FANCI: variants seen among roughly 807,000 people sequenced by gnomAD.
FANCI encodes the protein FA complementation group I.
In FANCI, 156 loss-of-function variants were observed where a neutral mutation model predicts 176.1. The observed-to-expected ratio is 0.89, with a 90% CI of 0.78 to 1.01. The LOEUF (loss-of-function observed/expected upper bound fraction) is 1.01, where lower values mean the gene tolerates loss of function less well. Among genes scored for constraint, FANCI ranks in the 50% least tolerant of loss-of-function variants. The probability of loss-of-function intolerance (pLI) is 0.00; values close to 1 mark genes in which losing one functional copy is unlikely to be tolerated. For synonymous variants in FANCI, 613 were observed against 541.7 expected (o/e 1.13, Z -1.83); for missense variants, 1,678 against 1,534.1 (o/e 1.09, Z -1.57).
At chr15:89,252,725 T>A (rs1447891567) in intron 2 of FANCI, among the ~76,000 whole-genome samples, 1 of 152,104 alleles carries the variant, frequency 6.6e-6, no homozygotes, top group African/African-American at 2.4e-5. Flanking sequence ...GGGCCCCATT[T>A]ACAATAGCAA....
Position 89,276,884 on chromosome 15 carries a change from CTT to C in FANCI, c.1289_1290del (p.Phe430Ter). Reference sequence around the variant, plus strand: ...CTCGGAGCTAATATCCTGTTGGAAACTTTTAAGGTGAGACACTATTTTGGCAA... The same window carrying C: ...CTCGGAGCTAATATCCTGTTGGAAACTTAAGGTGAGACACTATTTTGGCAA... On this transcript the variant is annotated frameshift_variant, in exon 13 of 38. Coordinates refer to ENST00000310775, the MANE Select transcript of FANCI (RefSeq NM_001113378.2). LOFTEE classifies it high-confidence loss of function. 1 of 1,614,158 alleles carries C rather than the reference CTT, an allele frequency of 6.2e-7. No homozygotes were observed. Among genetic ancestry groups the C allele is most frequent in the Non-Finnish European group, 8.5e-7 (1 of 1,180,028 alleles).
chr15:89,264,800 A>T (rs2052869596), intron 9 of FANCI, 193 bp downstream of exon 9: 1 of 535,316 alleles, frequency 1.9e-6, no homozygotes, highest in Non-Finnish European at 3.4e-6. Flanking sequence ...TCACCTTTCC[A>T]GGAAAATAAT....
At chr15:89,258,623 A>G (rs2052594601) in intron 2 of FANCI, 81 bp from the exon 3 acceptor site, 2 of 1,016,112 alleles carry the variant, frequency 2.0e-6, no homozygotes, top group East Asian at 2.4e-5. Flanking sequence ...GTGACAGAAG[A>G]GTACTTTTTC....
chr15:89,247,748 A>T lies in FANCI; in HGVS notation c.84+17A>T. 2 of 1,608,756 alleles carry T rather than the reference A, an allele frequency of 1.2e-6. No individual in the cohort carries two copies. Among genetic ancestry groups the T allele is most frequent in the Non-Finnish European group, 1.7e-6 (2 of 1,175,226 alleles). ...GAAGGTGATGTGAGTATTAGGAAGC[A>T]TGTTCTGCTAAAAGTAAATGTCAGG... On this transcript the variant is annotated intron_variant, in intron 2 of 37. Coordinates refer to ENST00000310775, the MANE Select transcript of FANCI (RefSeq NM_001113378.2).
chr15:89,270,077 C>G (rs1163894947), intron 10 of FANCI, among the ~76,000 whole-genome samples: 1 of 152,164 alleles, frequency 6.6e-6, no homozygotes, highest in Non-Finnish European at 1.5e-5. Flanking sequence ...TCCCAAAGTG[C>G]TGAGATTACA....
At chr15:89,290,442 C>T (rs2054017259) in intron 19 of FANCI, 161 bp downstream of exon 19, 1 of 648,044 alleles carries the variant, frequency 1.5e-6, no homozygotes, top group Non-Finnish European at 2.8e-6. Context: ...GTTGTCTTAT[C>T]TCGGTCACCA....
In FANCI at chr15:89,286,977, C is replaced by CTTTTTTTTTTTTTTTTTTTTT. The variant is rs543431700; in HGVS notation, c.1821+1760_1821+1780dup. Among the ~76,000 whole-genome samples the CTTTTTTTTTTTTTTTTTTTTT allele has an allele frequency of 1.1e-3, 95 of 86,028 alleles. 15 individuals carry two copies. Among genetic ancestry groups the CTTTTTTTTTTTTTTTTTTTTT allele is most frequent in the African/African-American group, 3.7e-3 (78 of 21,172 alleles). 56.4% of individuals were successfully genotyped at this position (86,028 alleles called of 152,430 possible). A position where few individuals can be genotyped will look rare whatever the true frequency, so the allele number is the denominator to read the frequency against. On this transcript the variant is annotated intron_variant, in intron 18 of 37. Transcript: ENST00000310775. ...TCAGCATTTGCTGCTTCACCTTGCA[C>CTTTTTTTTTTTTTTTTTTTTT]TTTTTTTTTTTTTTTTTTTTTGAGT...
intron 12 of FANCI, among the ~76,000 whole-genome samples, chr15:89,276,260 G>A (rs573142332): frequency 4.9e-4 from 74 of 152,302 alleles, no homozygotes; most frequent in African/African-American, 1.7e-3. Flanking sequence ...TCTACTGAGT[G>A]TCTTTTATAT....
intron 24 of FANCI, among the ~76,000 whole-genome samples, chr15:89,296,067 A>C (rs1348753129): frequency 6.6e-6 from 1 of 152,082 alleles, no homozygotes; most frequent in Non-Finnish European, 1.5e-5. Flanking sequence ...TCCCCGGTTC[A>C]AGTGATCCTC....
chr15:89,291,208 A>T (rs2054054935), intron 19 of FANCI, among the ~76,000 whole-genome samples: 1 of 152,186 alleles, frequency 6.6e-6, no homozygotes, highest in Non-Finnish European at 1.5e-5. Flanking sequence ...TCCTTATACA[A>T]TGATTATTAA....
At chr15:89,279,377 C>T (rs1165270528) in intron 14 of FANCI, among the ~76,000 whole-genome samples, 1 of 152,144 alleles carries the variant, frequency 6.6e-6, no homozygotes, top group Admixed American at 6.5e-5. Context: ...AGGCTGGTCT[C>T]GAACTCCTGA....
intron 14 of FANCI, among the ~76,000 whole-genome samples, chr15:89,280,801 T>A (rs925250066): frequency 6.6e-6 from 1 of 152,236 alleles, no homozygotes; most frequent in Non-Finnish European, 1.5e-5. Flanking sequence ...TTTTATACTT[T>A]TATGTTCCTA....
At chr15:89,287,182 C>A (rs923750070) in intron 18 of FANCI, among the ~76,000 whole-genome samples, 39 of 152,030 alleles carry the variant, frequency 2.6e-4, no homozygotes, top group Admixed American at 2.6e-4. Flanking sequence ...ACCATGTTGG[C>A]CAGGATGGTC....
chr15:89,314,906 G>A (rs2055157372), intron 36 of FANCI, among the ~76,000 whole-genome samples, 199 bp downstream of exon 36: 2 of 132,054 alleles, frequency 1.5e-5, no homozygotes, highest in African/African-American at 2.9e-5. Flanking sequence ...GCACATTCAA[G>A]TGATCCTCTG....
intron 3 of FANCI, among the ~76,000 whole-genome samples, chr15:89,260,225 C>A (rs936127081): frequency 6.6e-6 from 1 of 151,450 alleles, no homozygotes; most frequent in Non-Finnish European, 1.5e-5. Context: ...AGGATCGGCA[C>A]TAAAAAAAAA....
At chr15:89,313,738 T>C (rs2055058657) in intron 35 of FANCI, among the ~76,000 whole-genome samples, 3 of 152,124 alleles carry the variant, frequency 2.0e-5, no homozygotes, top group East Asian at 1.9e-4. Flanking sequence ...AGTGAAATAT[T>C]AGAAACAAAG....
downstream of FANCI, chr15:89,317,153 G>A (rs1008135462): frequency 1.3e-5 from 8 of 606,406 alleles, no homozygotes; most frequent in Admixed American, 5.8e-5. Context: ...TGAAGTAGGG[G>A]ACAGGTACAG....
At chr15:89,276,471 T>C (rs1429207494) in intron 12 of FANCI, among the ~76,000 whole-genome samples, 1 of 152,184 alleles carries the variant, frequency 6.6e-6, no homozygotes, top group Non-Finnish European at 1.5e-5. Context: ...TAATACTCTC[T>C]AGCTTCTGGA....
intron 24 of FANCI, among the ~76,000 whole-genome samples, chr15:89,298,365 A>G (rs2054392951): frequency 6.6e-6 from 1 of 152,234 alleles, no homozygotes; most frequent in African/African-American, 2.4e-5. Flanking sequence ...CATATATTAG[A>G]AATTAAATGC....
Sources: allele counts gnomAD v4.1 joint callset (sites outside exome capture counted in the v4.1 genomes callset), GRCh38; gene constraint gnomAD v4.1.1; transcripts MANE v1.5; gene names NCBI Gene and HGNC (gene_info 2026-07-23, HGNC 2026-07-21).